The following NPIPB2 variants were observed in gnomAD, a reference collection of about 807,000 sequenced individuals.
NPIPB2 encodes nuclear pore complex interacting protein family member B2.
A neutral mutation model predicts 30.8 loss-of-function variants in NPIPB2; 27 were observed. The ratio of observed to expected loss-of-function variants is 0.88; its 90% CI spans 0.65 to 1.21. The LOEUF (loss-of-function observed/expected upper bound fraction) is 1.21, where lower values mean the gene tolerates loss of function less well. Ranked by LOEUF, NPIPB2 falls within the 50% of genes most tolerant of loss-of-function variation. The probability of loss-of-function intolerance (pLI) is 0.00; values close to 1 mark genes in which losing one functional copy is unlikely to be tolerated. For synonymous variants in NPIPB2, 147 were observed against 162.0 expected (o/e 0.91, Z 0.70); for missense variants, 440 against 446.2 (o/e 0.99, Z 0.13).
intron 1 of NPIPB2, among the ~76,000 whole-genome samples, chr16:11,958,614 G>A (rs912423264): frequency 2.0e-5 from 3 of 151,970 alleles, no homozygotes; most frequent in African/African-American, 7.3e-5. Context: ...GATGGCATGT[G>A]CCTGCAGTCC....
chr16:11,943,708 A>T (rs947323137), upstream of NPIPB2, among the ~76,000 whole-genome samples: 12 of 139,118 alleles, frequency 8.6e-5, no homozygotes, highest in Admixed American at 5.8e-4. Context: ...GTCTTAAAAT[A>T]AAAAAAAAAG....
chr16:11,970,188 A>G (rs1023055773), intron 1 of NPIPB2, among the ~76,000 whole-genome samples: 3 of 151,448 alleles, frequency 2.0e-5, no homozygotes, highest in Admixed American at 2.0e-4. Context: ...GTCTTGTCCC[A>G]CATTTCCAGT....
At chr16:11,968,328 T>C (rs2150942708) in intron 1 of NPIPB2, among the ~76,000 whole-genome samples, 1 of 152,110 alleles carries the variant, frequency 6.6e-6, no homozygotes, top group East Asian at 1.9e-4. Context: ...AATACAAAAA[T>C]TAGCTGGGCA....
At chr16:11,966,507 A>G (rs1455877729) in intron 1 of NPIPB2, among the ~76,000 whole-genome samples, 2 of 152,170 alleles carry the variant, frequency 1.3e-5, no homozygotes, top group Non-Finnish European at 2.9e-5. Flanking sequence ...AGCCATCTTC[A>G]TTCTGATTTT....
chr16:11,944,667 G>A (rs781723479), upstream of NPIPB2, among the ~76,000 whole-genome samples: 1 of 134,054 alleles, frequency 7.5e-6, no homozygotes, highest in African/African-American at 2.7e-5. Flanking sequence ...GAAGGCTGAG[G>A]CAGGAGAATC....
intron 1 of NPIPB2, among the ~76,000 whole-genome samples, chr16:11,959,390 T>C (rs2055137753): frequency 6.6e-6 from 1 of 152,080 alleles, no homozygotes; most frequent in Admixed American, 6.6e-5. Flanking sequence ...AAGACTTGTC[T>C]GGGCAGCAGA....
chr16:11,931,574 AG>A (rs1275713367), intron 4 of NPIPB2, among the ~76,000 whole-genome samples: 3 of 152,180 alleles, frequency 2.0e-5, no homozygotes, highest in African/African-American at 7.2e-5. Context: ...CAATGGGAGC[AG>A]GGTCCTGTCC....
chr16:11,960,004 G>C (rs538335284), intron 1 of NPIPB2, among the ~76,000 whole-genome samples: 76 of 152,244 alleles, frequency 5.0e-4, no homozygotes, highest in African/African-American at 1.7e-3. Flanking sequence ...CGAACTACTG[G>C]GCTCAAGTGA....
upstream of NPIPB2, among the ~76,000 whole-genome samples, chr16:11,945,742 C>G (rs1397212812): frequency 1.3e-5 from 2 of 151,850 alleles, no homozygotes; most frequent in Non-Finnish European, 2.9e-5. Context: ...TGTGAAGGCC[C>G]TGGATTAAGA....
At chr16:11,951,131 A>T (rs2055057342) in intron 1 of NPIPB2, among the ~76,000 whole-genome samples, 1 of 151,990 alleles carries the variant, frequency 6.6e-6, no homozygotes, top group Non-Finnish European at 1.5e-5. Context: ...AAGAAAAAAA[A>T]TTCTTTTAAG....
intron 1 of NPIPB2, among the ~76,000 whole-genome samples, chr16:11,969,740 A>C: frequency 6.6e-6 from 1 of 152,210 alleles, no homozygotes; most frequent in Admixed American, 6.5e-5. Context: ...AAACTGTGAT[A>C]ACGGTGCACG....
chr16:11,958,414 C>G (rs533717996), intron 1 of NPIPB2, among the ~76,000 whole-genome samples: 1 of 145,686 alleles, frequency 6.9e-6, no homozygotes, highest in Non-Finnish European at 1.5e-5. Flanking sequence ...GATGACAGAG[C>G]GAGACTCCGT....
At chr16:11,964,026 T>C (rs12927256) in intron 1 of NPIPB2, 16,948 of 148,180 alleles carry the variant, frequency 0.11, 1,432 homozygotes, top group African/African-American at 0.21. Context: ...AGAGTGAGAC[T>C]CTGTCAAAAA....
exon 1 of NPIPB2, chr16:11,976,630 C>T (rs939998075): frequency 1.8e-5 from 7 of 388,718 alleles, no homozygotes; most frequent in Non-Finnish European, 3.1e-5. Context: ...CGACTTGGAT[C>T]TGCGCCGCGG....
chr16:11,934,102 G>T (rs2054831785), intron 2 of NPIPB2, among the ~76,000 whole-genome samples, 178 bp from the exon 3 acceptor site: 1 of 151,698 alleles, frequency 6.6e-6, no homozygotes, highest in South Asian at 2.1e-4. Flanking sequence ...ATGGCAGCGG[G>T]CGCCTGTAAT....
At chr16:11,947,624 G>T (rs527819936) in intron 1 of NPIPB2, among the ~76,000 whole-genome samples, 1 of 151,988 alleles carries the variant, frequency 6.6e-6, no homozygotes, top group Admixed American at 6.6e-5. Context: ...GATTACAGGC[G>T]TGAGCCACCG....
chr16:11,937,383 C>A (rs891582212), intron 2 of NPIPB2, among the ~76,000 whole-genome samples, 157 bp downstream of exon 2: 9 of 152,192 alleles, frequency 5.9e-5, no homozygotes, highest in African/African-American at 1.7e-4. Flanking sequence ...ATGTAAATGG[C>A]AGATATTTTC....
At chr16:11,944,521 G>A (rs2054981709), upstream of NPIPB2, among the ~76,000 whole-genome samples, 1 of 151,440 alleles carries the variant, frequency 6.6e-6, no homozygotes, top group Non-Finnish European at 1.5e-5. Flanking sequence ...CCAGCACTTT[G>A]GGAGGCCGAG....
intron 1 of NPIPB2, among the ~76,000 whole-genome samples, chr16:11,948,200 C>T (rs1453191890): frequency 6.6e-6 from 1 of 151,486 alleles, no homozygotes; most frequent in African/African-American, 2.4e-5. Context: ...GGTGCCAAAA[C>T]GGGGGAAGTT....
Sources: allele counts gnomAD v4.1 joint callset (sites outside exome capture counted in the v4.1 genomes callset), GRCh38; gene constraint gnomAD v4.1.1; transcripts MANE v1.5; gene names NCBI Gene and HGNC (gene_info 2026-07-23, HGNC 2026-07-21).